Variants in DAZAP2 observed in about 807,000 individuals in gnomAD.
The protein encoded by DAZAP2 is DAZ-associated protein 2.
Under a neutral mutation model 16.2 loss-of-function variants are expected in DAZAP2, and 3 were observed. The observed-to-expected ratio is 0.19, with a 90% CI of 0.08 to 0.48. The LOEUF (loss-of-function observed/expected upper bound fraction) is 0.48, where lower values mean the gene tolerates loss of function less well. Among genes scored for constraint, DAZAP2 ranks in the 20% least tolerant of loss-of-function variants. DAZAP2 has a pLI of 0.98. For synonymous variants in DAZAP2, 69 were observed against 77.6 expected (o/e 0.89, Z 0.58); for missense variants, 172 against 215.9 (o/e 0.80, Z 1.27).
At chr12:51,239,040 C>T in intron 1 of DAZAP2, 120 bp downstream of exon 1, 4 of 1,432,164 alleles carry the variant, frequency 2.8e-6, no homozygotes, top group East Asian at 2.4e-5. Flanking sequence ...GCTCCTTGGC[C>T]GGCTGCAGTC....
In DAZAP2 at chr12:51,238,925, G is replaced by A; in HGVS notation, c.13+5G>A. The A allele has an allele frequency of 1.2e-6, 2 of 1,613,436 alleles. No individual in the cohort carries two copies. The highest frequency in any genetic ancestry group is 1.7e-6 in the Non-Finnish European group (2 of 1,179,892). ...CAACCACCATGAACAGCAAAGGCAA[G>A]GACCGAGGGTGGCAGAGGCCGTCGG... On this transcript the variant is annotated splice_donor_5th_base_variant and intron_variant, in intron 1 of 3. Transcript: ENST00000412716.
At position 51,240,987 on chromosome 12, in the gene DAZAP2, A is replaced by G. The variant is rs1330475815; in HGVS notation, c.249A>G (p.Leu83=). Residue 83 remains leucine, a synonymous_variant, in exon 3 of 4, where the codon TTA becomes TTG. Transcript: ENST00000412716. ...CCCAGTCTGTGGCTGTTGGGCCTTT[A>G]GGTTCCACAATCCCCATGGCTTATT... is the stretch of plus-strand genomic sequence containing the variant. ...PMAQSVAVGP[L]GSTIPMAYYP... 6.2e-7 allele frequency: 1 copy of G among 1,613,974 alleles called. No individual in the cohort carries two copies. The highest frequency in any genetic ancestry group is 8.5e-7 in the Non-Finnish European group (1 of 1,180,032).
Position 51,242,637 on chromosome 12 carries a change from A to C in DAZAP2, c.*179A>C. 1 of 1,556,740 alleles carries C rather than the reference A, an allele frequency of 6.4e-7. No homozygotes were observed. The highest frequency in any genetic ancestry group is 2.4e-5 in the East Asian group (1 of 41,300). ...ATTTAATAAGGAACCATGTAATGGT[A>C]GCAGTACCTCCCTAAAGCATTTTGA... On this transcript the variant is annotated 3_prime_UTR_variant, in exon 4 of 4. Coordinates refer to ENST00000412716, the MANE Select transcript of DAZAP2 (RefSeq NM_014764.4).
Position 51,240,765 on chromosome 12 carries a change from C to T in DAZAP2, c.133-106C>T, listed in dbSNP as rs1944660510. On this transcript the variant is annotated intron_variant, in intron 2 of 3. Coordinates refer to ENST00000412716, the MANE Select transcript of DAZAP2 (RefSeq NM_014764.4). The stretch of plus-strand genomic sequence containing the variant: ...TGGAAAGGCAACTTGTATAATCTTA[C>T]AAAAAGTATAACCTGCATAAGGAGA... The T allele has an allele frequency of 4.8e-6, 7 of 1,465,850 alleles. 1 individual carries two copies. In the South Asian group the frequency reaches 7.9e-5, roughly 17 times the overall value. The allele number at this position is 1,465,850 out of a possible 1,614,324, so 90.8% of individuals were successfully genotyped here.
chr12:51,239,502 A>T, intron 1 of DAZAP2: 1 of 139,604 alleles, frequency 7.2e-6, no homozygotes. Flanking sequence ...AAAAAGGCCG[A>T]GCGAGGTTGC....
In DAZAP2 at chr12:51,243,372, T is replaced by C. The variant is rs1160179730; in HGVS notation, c.*914T>C. On this transcript the variant is annotated 3_prime_UTR_variant, in exon 4 of 4. Coordinates refer to ENST00000412716, the MANE Select transcript of DAZAP2 (RefSeq NM_014764.4). ...GTTCAGAGCTAAATTAAGAGGAGTT[T>C]TCAGATCAAAAACTGGTTACCATTT... The C allele has an allele frequency of 1.0e-6, 1 of 985,666 alleles. No individual in the cohort carries two copies. The highest frequency in any genetic ancestry group is 1.2e-6 in the Non-Finnish European group (1 of 829,942). The allele number at this position is 985,666 out of a possible 1,614,324, so 61.1% of individuals were successfully genotyped here. A position where few individuals can be genotyped will look rare whatever the true frequency, so the allele number is the denominator to read the frequency against.
Position 51,242,366 on chromosome 12 carries a change from C to G in DAZAP2, c.415C>G (p.Leu139Val), listed in dbSNP as rs778732954. The change falls in exon 4 of 4, where the codon CTT (leucine) becomes GTT (valine). Residue 139 changes from leucine to valine, a missense_variant. Transcript: ENST00000412716. ...PPGCPPNAAQ[L>V]AVMQGANVLV... ...TGGATGCCCTCCCAATGCTGCTCAG[C>G]TTGCAGTCATGCAGGGAGCCAACGT... 1 of 1,611,778 alleles carries G rather than the reference C, an allele frequency of 6.2e-7. No homozygotes were observed. The highest frequency in any genetic ancestry group is 8.5e-7 in the Non-Finnish European group (1 of 1,178,752).
intron 3 of DAZAP2, among the ~76,000 whole-genome samples, chr12:51,241,616 G>A (rs1944678991): frequency 1.3e-5 from 2 of 152,326 alleles, no homozygotes; most frequent in South Asian, 4.1e-4. Context: ...CTACATGCTA[G>A]AGATGAAGTG....
At chr12:51,246,595 CTT>C (rs1944773415), downstream of DAZAP2, 3 of 496,382 alleles carry the variant, frequency 6.0e-6, 1 homozygote, top group Non-Finnish European at 3.2e-6. Flanking sequence ...GCCTCCGAGT[CTT>C]TTATGGCTGT....
chr12:51,243,801 T>C lies in DAZAP2; in HGVS notation c.*1343T>C. The C allele has an allele frequency of 1.0e-6, 1 of 985,470 alleles. No individual in the cohort carries two copies. The highest frequency in any genetic ancestry group is 1.2e-6 in the Non-Finnish European group (1 of 829,648). The allele number at this position is 985,470 out of a possible 1,614,324, so 61.0% of individuals were successfully genotyped here. A position where few individuals can be genotyped will look rare whatever the true frequency, so the allele number is the denominator to read the frequency against. ...TTGCATTACACCTCACTGCAAGGAT[T>C]CTTTACTTAGCTTGTTTTTAGATTT... On this transcript the variant is annotated 3_prime_UTR_variant, in exon 4 of 4. Coordinates refer to ENST00000412716, the MANE Select transcript of DAZAP2 (RefSeq NM_014764.4).
intron 2 of DAZAP2, 55 bp from the exon 3 acceptor site, chr12:51,240,816 T>C: frequency 6.3e-7 from 1 of 1,586,090 alleles, no homozygotes; most frequent in Non-Finnish European, 8.6e-7. Flanking sequence ...ATTAAAGAGA[T>C]CTCAAATAGG....
downstream of DAZAP2, chr12:51,246,604 C>CTGTGTGAG: frequency 3.0e-6 from 1 of 336,948 alleles, no homozygotes; most frequent in South Asian, 1.1e-4. Context: ...TCTTTTATGG[C>CTGTGTGAG]TGTGTGTGTG....
At chr12:51,246,017 T>C (rs774243028), downstream of DAZAP2, 7 of 1,613,710 alleles carry the variant, frequency 4.3e-6, no homozygotes, top group East Asian at 2.2e-5. Flanking sequence ...GGGCTCACCT[T>C]CTGTAGGTTC....
At position 51,243,639 on chromosome 12, in the gene DAZAP2, T is replaced by C. The variant is rs1442848132; in HGVS notation, c.*1181T>C. 5 of 985,762 alleles carry C rather than the reference T, an allele frequency of 5.1e-6. No individual in the cohort carries two copies. The highest frequency in any genetic ancestry group is 2.3e-4 in the East Asian group (2 of 8,836). 61.1% of individuals were successfully genotyped at this position (985,762 alleles called of 1,614,324 possible). ...ATTGTGTGTTCTGTACATGTGATGT[T>C]TGACTGTACCATTGACTGTTATGGA... On this transcript the variant is annotated 3_prime_UTR_variant, in exon 4 of 4. Transcript: ENST00000412716.
Position 51,242,434 on chromosome 12 carries a change from A to T in DAZAP2, c.483A>T (p.Ser161=). 1 of 1,614,202 alleles carries T rather than the reference A, an allele frequency of 6.2e-7. No homozygotes were observed. Among genetic ancestry groups the T allele is most frequent in the South Asian group, 1.1e-5 (1 of 91,082 alleles). Residue 161 remains serine, a synonymous_variant, in exon 4 of 4, where the codon TCA becomes TCT. Transcript: ENST00000412716. ...QRKGNFFMGG[S]DGGYTIW Reference sequence around the variant, plus strand: ...AGGGGAACTTCTTCATGGGTGGTTCAGATGGTGGCTACACCATCTGGTGAG... The same window carrying T: ...AGGGGAACTTCTTCATGGGTGGTTCTGATGGTGGCTACACCATCTGGTGAG...
chr12:51,243,338 G>C lies in DAZAP2; in HGVS notation c.*880G>C. 1 of 985,790 alleles carries C rather than the reference G, an allele frequency of 1.0e-6. No individual in the cohort carries two copies. Among genetic ancestry groups the C allele is most frequent in the Non-Finnish European group, 1.2e-6 (1 of 829,944 alleles). The allele number at this position is 985,790 out of a possible 1,614,324, so 61.1% of individuals were successfully genotyped here. ...GGAGGAGGATGCATTTCAAAAGCTT[G>C]ATTGATGTGTTCAGAGCTAAATTAA... On this transcript the variant is annotated 3_prime_UTR_variant, in exon 4 of 4. Coordinates refer to ENST00000412716, the MANE Select transcript of DAZAP2 (RefSeq NM_014764.4).
rs1295088436 is a variant in DAZAP2 at position 51,240,819 on chromosome 12, CAAAT to C, written c.133-50_133-47del. On this transcript the variant is annotated intron_variant, in intron 2 of 3. Transcript: ENST00000412716. ...AAGAATTAGCTCATTAAAGAGATCTCAAATAGGAATGTCATAAAGTAACATTTTG... is the reference window on the plus strand; with the variant it reads ...AAGAATTAGCTCATTAAAGAGATCTCAGGAATGTCATAAAGTAACATTTTG... The C allele has an allele frequency of 1.9e-6, 3 of 1,590,788 alleles. No individual in the cohort carries two copies. In the East Asian group the frequency reaches 6.7e-5, roughly 36 times the overall value.
rs1386888416 is a variant in DAZAP2 at position 51,243,687 on chromosome 12, T to C, written c.*1229T>C. 2 of 985,652 alleles carry C rather than the reference T, an allele frequency of 2.0e-6. No individual in the cohort carries two copies. The highest frequency in any genetic ancestry group is 1.7e-5 in the African/African-American group (1 of 57,242). The allele number at this position is 985,652 out of a possible 1,614,324, so 61.1% of individuals were successfully genotyped here. A position where few individuals can be genotyped will look rare whatever the true frequency, so the allele number is the denominator to read the frequency against. The stretch of plus-strand genomic sequence containing the variant: ...GGAAGTTCAGCGTTGTATGTCTCTC[T>C]CTACACTGTGGTGCACTTAACTTGT... On this transcript the variant is annotated 3_prime_UTR_variant, in exon 4 of 4. Transcript: ENST00000412716.
rs1331107409 is a variant in DAZAP2 at position 51,242,870 on chromosome 12, A to G, written c.*412A>G. On this transcript the variant is annotated 3_prime_UTR_variant, in exon 4 of 4. Coordinates refer to ENST00000412716, the MANE Select transcript of DAZAP2 (RefSeq NM_014764.4). ...GTCTTTAATCTCCTTTAAGTCTTTG[A>G]TATATATTACTTGTTATAAATGGAA... is the stretch of plus-strand genomic sequence containing the variant. 1 of 1,332,280 alleles carries G rather than the reference A, an allele frequency of 7.5e-7. No homozygotes were observed. 82.5% of individuals were successfully genotyped at this position (1,332,280 alleles called of 1,614,324 possible). A position where few individuals can be genotyped will look rare whatever the true frequency, so the allele number is the denominator to read the frequency against.
Sources: allele counts gnomAD v4.1 joint callset (sites outside exome capture counted in the v4.1 genomes callset), GRCh38; gene constraint gnomAD v4.1.1; transcripts MANE v1.5; gene names NCBI Gene and HGNC (gene_info 2026-07-23, HGNC 2026-07-21).